SORT1: variants seen among roughly 807,000 people sequenced by gnomAD.
The protein encoded by SORT1 is sortilin.
In SORT1, 39 loss-of-function variants were observed where a neutral mutation model predicts 101.7. The observed-to-expected ratio is 0.38, with a 90% CI of 0.30 to 0.50. SORT1 has a LOEUF of 0.50. SORT1 is among the 20% of genes least tolerant of loss of function. The pLI, the probability that SORT1 is intolerant of heterozygous loss-of-function variation, is 0.90. For missense variants in SORT1, 878 were observed against 1,040.4 expected (o/e 0.84, Z 2.15); for synonymous variants, 396 against 393.7 (o/e 1.01, Z -0.07).
At chr1:109,341,495 C>A (rs560201887) in intron 9 of SORT1, among the ~76,000 whole-genome samples, 1 of 151,938 alleles carries the variant, frequency 6.6e-6, no homozygotes, top group South Asian at 2.1e-4. Context: ...TATAGGTGCT[C>A]GCCACCACGG....
In SORT1 at chr1:109,335,266, C is replaced by T. The variant is rs1011899603; in HGVS notation, c.1371+974G>A. ...CACAGGCCAAGAGAGCCACAACGAGCGCTGGGCAGGGAGAGGCATGGGGAG... is the reference window on the plus strand; with the variant it reads ...CACAGGCCAAGAGAGCCACAACGAGTGCTGGGCAGGGAGAGGCATGGGGAG... On this transcript the variant is annotated intron_variant, in intron 11 of 19. Transcript: ENST00000256637. 1.1e-4 allele frequency among the ~76,000 whole-genome samples: 16 copies of T among 152,098 alleles called. No homozygotes were observed. In the East Asian group the frequency reaches 1.2e-3, roughly 11 times the overall value.
chr1:109,370,692 A>T (rs533938960), intron 1 of SORT1, among the ~76,000 whole-genome samples: 53 of 152,292 alleles, frequency 3.5e-4, no homozygotes, highest in Non-Finnish European at 1.9e-4. Flanking sequence ...TCTTACTAAG[A>T]TTTTAAAATC....
intron 11 of SORT1, among the ~76,000 whole-genome samples, chr1:109,330,792 T>C (rs948589750): frequency 2.0e-5 from 3 of 151,916 alleles, no homozygotes; most frequent in Admixed American, 1.3e-4. Context: ...TTATAACTTA[T>C]ACTACAGAAA....
At chr1:109,340,569 T>C (rs1333695764) in intron 10 of SORT1, among the ~76,000 whole-genome samples, 155 bp downstream of exon 10, 2 of 151,314 alleles carry the variant, frequency 1.3e-5, no homozygotes, top group Non-Finnish European at 2.9e-5. Context: ...TTAGACATAT[T>C]GCCACAATAA....
intron 1 of SORT1, chr1:109,393,309 G>C (rs929444443): frequency 1.0e-6 from 1 of 985,064 alleles, no homozygotes; most frequent in African/African-American, 1.7e-5. Flanking sequence ...AGGAGCAGAG[G>C]GAGGACAGAA....
intron 14 of SORT1, among the ~76,000 whole-genome samples, chr1:109,324,437 T>G (rs1647853043): frequency 6.6e-6 from 1 of 152,222 alleles, no homozygotes; most frequent in African/African-American, 2.4e-5. Context: ...CGCCTGGCCA[T>G]TCCCCTTATT....
At chr1:109,314,921 C>A (rs1243654819) in intron 17 of SORT1, 143 bp from the exon 18 acceptor site, 2 of 557,758 alleles carry the variant, frequency 3.6e-6, no homozygotes, top group African/African-American at 3.8e-5. Context: ...TCCAACCCCC[C>A]AAGATGAACC....
intron 10 of SORT1, 81 bp from the exon 11 acceptor site, chr1:109,336,427 T>C: frequency 1.1e-6 from 1 of 901,898 alleles, no homozygotes; most frequent in Non-Finnish European, 1.9e-6. Flanking sequence ...CATGACTCTC[T>C]CCTGAGACCG....
At chr1:109,395,110 G>T (rs1424888692) in intron 1 of SORT1, among the ~76,000 whole-genome samples, 1 of 140,014 alleles carries the variant, frequency 7.1e-6, no homozygotes, top group African/African-American at 2.6e-5. Flanking sequence ...TAAGGTAAAT[G>T]ATATTAAACA....
At chr1:109,368,560 A>C (rs986446960) in intron 2 of SORT1, 1 of 152,148 alleles carries the variant, frequency 6.6e-6, no homozygotes, top group Non-Finnish European at 1.5e-5. Context: ...GGGGCAGGAG[A>C]TGTTGCCCCT....
Position 109,323,094 on chromosome 1 carries a change from A to G in SORT1, c.1862T>C (p.Leu621Pro). The G allele has an allele frequency of 6.2e-7, 1 of 1,614,104 alleles. No homozygotes were observed. The highest frequency in any genetic ancestry group is 8.5e-7 in the Non-Finnish European group (1 of 1,179,944). ...ATCTTCAGGGTCTGTGGAGTGTGCC[A>G]GCCATATGGTATAGTCCTTCTCTTC... ...NCEEKDYTIW[L>P]AHSTDPEDYE... is the part of the protein sequence containing the mutation. The change falls in exon 15 of 20, where the codon CTG becomes CCG. Residue 621 changes from leucine (L) to proline (P), a missense_variant. Coordinates refer to ENST00000256637, the MANE Select transcript of SORT1 (RefSeq NM_002959.7).
chr1:109,362,689 G>T (rs1650805950), intron 3 of SORT1, among the ~76,000 whole-genome samples: 1 of 151,892 alleles, frequency 6.6e-6, no homozygotes, highest in South Asian at 2.1e-4. Context: ...GAAGGAACAT[G>T]AATATGTATT....
At chr1:109,384,102 TTTG>T (rs1652417127) in intron 1 of SORT1, among the ~76,000 whole-genome samples, 1 of 152,162 alleles carries the variant, frequency 6.6e-6, no homozygotes, top group Non-Finnish European at 1.5e-5. Flanking sequence ...TATCTGGGTT[TTTG>T]TTGTTTTCGA....
Position 109,340,749 on chromosome 1 carries a change from G to A in SORT1, c.1239C>T (p.Val413=), listed in dbSNP as rs752418405. The A allele has an allele frequency of 6.2e-7, 1 of 1,614,136 alleles. No individual in the cohort carries two copies. Among genetic ancestry groups the A allele is most frequent in the Non-Finnish European group, 8.5e-7 (1 of 1,180,018 alleles). The change falls in exon 10 of 20, where the codon GTC becomes GTT. Residue 413 remains valine, a synonymous_variant. Coordinates refer to ENST00000256637, the MANE Select transcript of SORT1 (RefSeq NM_002959.7). ...CTTCGGAGAGCACGCTTGTTATGTA[G>A]ACGCCGCGGAGGGAGGTCACGTTGG... The part of the protein sequence containing the change: ...DFTNVTSLRG[V]YITSVLSEDN...
At chr1:109,355,646 C>CG (rs752242731) in intron 3 of SORT1, among the ~76,000 whole-genome samples, 177 bp from the exon 4 acceptor site, 1,556 of 81,344 alleles carry the variant, frequency 0.019, 132 homozygotes, top group African/African-American at 0.098. Flanking sequence ...ATTCCACCCG[C>CG]CCCCCCCCCC....
intron 1 of SORT1, among the ~76,000 whole-genome samples, chr1:109,390,646 T>C (rs1652842814): frequency 1.3e-5 from 2 of 152,052 alleles, no homozygotes; most frequent in African/African-American, 4.8e-5. Flanking sequence ...CTGGGAATTA[T>C]TGAAGTTAAT....
rs1056587161 is a variant in SORT1, at chr1:109,354,649, A to C, written c.544-118T>G. On this transcript the variant is annotated intron_variant, in intron 4 of 19. Coordinates refer to ENST00000256637, the MANE Select transcript of SORT1 (RefSeq NM_002959.7). ...AAATTTTAGTTCTAGAAATAAGAAG[A>C]GTTATAAAAACTGATTAGTTGTTCC... 6 of 761,806 alleles carry C rather than the reference A, an allele frequency of 7.9e-6. No homozygotes were observed. The African/African-American group carries it at 1.1e-4, about 13-fold the overall frequency. 47.2% of individuals were successfully genotyped at this position (761,806 alleles called of 1,614,324 possible). A position where few individuals can be genotyped will look rare whatever the true frequency, so the allele number is the denominator to read the frequency against.
At chr1:109,326,907 C>T in intron 13 of SORT1, 85 bp downstream of exon 13, 1 of 1,054,062 alleles carries the variant, frequency 9.5e-7, no homozygotes, top group South Asian at 2.2e-5. Flanking sequence ...GAATTATAGT[C>T]TGTAACATCC....
chr1:109,319,249 C>T (rs1348650427), intron 15 of SORT1, among the ~76,000 whole-genome samples: 1 of 152,198 alleles, frequency 6.6e-6, no homozygotes, highest in Non-Finnish European at 1.5e-5. Flanking sequence ...ATAGTGCCAC[C>T]CACTGCTCTC....
Sources: allele counts gnomAD v4.1 joint callset (sites outside exome capture counted in the v4.1 genomes callset), GRCh38; gene constraint gnomAD v4.1.1; transcripts MANE v1.5; gene names NCBI Gene and HGNC (gene_info 2026-07-23, HGNC 2026-07-21).